Variants in FSTL4 observed in about 807,000 individuals in gnomAD.
The protein encoded by FSTL4 is follistatin like 4.
A neutral mutation model predicts 78.2 loss-of-function variants in FSTL4; 28 were observed. That is an observed-to-expected ratio of 0.36 (90% confidence interval 0.27 to 0.49). The LOEUF (loss-of-function observed/expected upper bound fraction) is 0.49. FSTL4 is among the 20% of genes least tolerant of loss of function. The pLI is 0.98. For missense variants in FSTL4, 922 were observed against 1,084.9 expected, an observed-to-expected ratio of 0.85 and a Z score of 2.11; for synonymous variants, 422 against 440.5, an observed-to-expected ratio of 0.96 and a Z score of 0.53.
At chr5:133,671,123 C>T in the FSTL4 span, among the ~76,000 whole-genome samples, 1 of 152,114 alleles carries the variant, frequency 6.6e-6, no homozygotes, top group African/African-American at 2.4e-5. Context: ...GGGGCGAGAC[C>T]TTGTGAAAGA....
At chr5:133,478,184 G>A (rs73283635) in intron 3 of FSTL4, among the ~76,000 whole-genome samples, 2,139 of 152,252 alleles carry the variant, frequency 0.014, 44 homozygotes, top group African/African-American at 0.048. Context: ...CCACATAACC[G>A]ATTCCCTGAT....
chr5:133,809,771 G>T, the FSTL4 span, among the ~76,000 whole-genome samples: 1 of 152,204 alleles, frequency 6.6e-6, no homozygotes, highest in African/African-American at 2.4e-5. Flanking sequence ...GTTAGAGGCT[G>T]CATGGAAACT....
chr5:133,406,664 T>C (rs1756370687), intron 3 of FSTL4, among the ~76,000 whole-genome samples: 1 of 152,202 alleles, frequency 6.6e-6, no homozygotes, highest in Non-Finnish European at 1.5e-5. Flanking sequence ...AGGACATGTG[T>C]GTGTTAACAC....
chr5:133,277,490 T>C (rs1752909863), intron 6 of FSTL4, among the ~76,000 whole-genome samples: 1 of 152,190 alleles, frequency 6.6e-6, no homozygotes, highest in South Asian at 2.1e-4. Context: ...CACTTTTCTA[T>C]GTATGCTGCA....
intron 4 of FSTL4, among the ~76,000 whole-genome samples, chr5:133,375,906 C>T (rs534104842): frequency 9.9e-5 from 15 of 152,196 alleles, no homozygotes; most frequent in Non-Finnish European, 1.9e-4. Context: ...ATACTGCTTG[C>T]ATCAGTTGAT....
At chr5:133,355,489 C>T (rs1015285319) in intron 4 of FSTL4, among the ~76,000 whole-genome samples, 5 of 152,122 alleles carry the variant, frequency 3.3e-5, no homozygotes, top group African/African-American at 1.2e-4. Context: ...AACCCCATCT[C>T]TACTAAAAAT....
intron 6 of FSTL4, among the ~76,000 whole-genome samples, chr5:133,296,629 C>T (rs1048608293): frequency 6.6e-6 from 1 of 152,186 alleles, no homozygotes; most frequent in African/African-American, 2.4e-5. Context: ...GCTCACATAG[C>T]CCCTCTGGAT....
chr5:133,334,413 C>G (rs575252986), intron 4 of FSTL4, among the ~76,000 whole-genome samples: 1 of 152,126 alleles, frequency 6.6e-6, no homozygotes, highest in Non-Finnish European at 1.5e-5. Flanking sequence ...CACAGTCATG[C>G]CCTCTCCTCT....
chr5:133,583,432 G>A, intron 2 of FSTL4: 1 of 241,464 alleles, frequency 4.1e-6, no homozygotes, highest in Non-Finnish European at 8.2e-6. Flanking sequence ...GCGCAGGCCA[G>A]TGTGTGCGCA....
At chr5:133,750,221 TCTGGTAGGCAAC>T in the FSTL4 span, among the ~76,000 whole-genome samples, 1 of 152,192 alleles carries the variant, frequency 6.6e-6, no homozygotes. Context: ...ACATCATTTT[TCTGGTAGGCAAC>T]CTGACCTACT....
At chr5:133,382,799 T>C (rs1755605159) in intron 4 of FSTL4, among the ~76,000 whole-genome samples, 2 of 152,164 alleles carry the variant, frequency 1.3e-5, no homozygotes, top group Admixed American at 6.5e-5. Context: ...ATTATTTCAG[T>C]CACTTGTTTT....
chr5:133,800,894 T>C, the FSTL4 span, among the ~76,000 whole-genome samples: 2 of 151,256 alleles, frequency 1.3e-5, no homozygotes, highest in Non-Finnish European at 2.9e-5. Context: ...TCTCTATTCC[T>C]GAGGGACTGC....
At chr5:133,641,916 C>T in the FSTL4 span, among the ~76,000 whole-genome samples, 169 of 151,658 alleles carry the variant, frequency 1.1e-3, no homozygotes, top group African/African-American at 3.8e-3. Flanking sequence ...TCCTCCTCCT[C>T]CTCCTTCTTT....
the FSTL4 span, among the ~76,000 whole-genome samples, chr5:133,813,467 C>T: frequency 3.3e-5 from 5 of 152,292 alleles, no homozygotes; most frequent in Non-Finnish European, 5.9e-5. Context: ...TAGTTACATG[C>T]GGCTAATGGC....
chr5:133,208,244 A>T (rs1016259659), intron 14 of FSTL4: 1 of 152,100 alleles, frequency 6.6e-6, no homozygotes, highest in African/African-American at 2.4e-5. Context: ...GTACCCGTAT[A>T]TCTTTCTTTT....
At chr5:133,563,605 C>A (rs1452473162) in intron 3 of FSTL4, among the ~76,000 whole-genome samples, 1 of 152,242 alleles carries the variant, frequency 6.6e-6, no homozygotes, top group Non-Finnish European at 1.5e-5. Context: ...CTGTTCTGTA[C>A]ATGCACAGCC....
intron 3 of FSTL4, among the ~76,000 whole-genome samples, chr5:133,445,694 G>A (rs538307638): frequency 1.3e-5 from 2 of 152,318 alleles, no homozygotes; most frequent in South Asian, 2.1e-4. Context: ...TCAATCGGGG[G>A]CTTTCTTCCC....
chr5:133,437,615 G>GAGC (rs1423434463), intron 3 of FSTL4, among the ~76,000 whole-genome samples: 7 of 145,134 alleles, frequency 4.8e-5, no homozygotes, highest in African/African-American at 1.8e-4. Flanking sequence ...TCAACCTCCC[G>GAGC]AGCAGCTGGG....
chr5:133,626,147 TATATATATATTCC>T, the FSTL4 span, among the ~76,000 whole-genome samples: 1 of 12,502 alleles, frequency 8.0e-5, no homozygotes, highest in Non-Finnish European at 1.3e-4. Flanking sequence ...ATATATTCCA[TATATATATATTCC>T]ATATATATAT....
Sources: allele counts gnomAD v4.1 joint callset (sites outside exome capture counted in the v4.1 genomes callset), GRCh38; gene constraint gnomAD v4.1.1; transcripts MANE v1.5; gene names NCBI Gene and HGNC (gene_info 2026-07-23, HGNC 2026-07-21).